Variants in TENM4 observed in about 807,000 individuals in gnomAD.
The protein encoded by TENM4 is teneurin transmembrane protein 4.
TENM4 carries 82 observed loss-of-function variants against 243.3 expected under a neutral mutation model. The ratio of observed to expected loss-of-function variants is 0.34; its 90% confidence interval spans 0.28 to 0.40. TENM4 has a LOEUF of 0.40. TENM4 is among the 10% of genes least tolerant of loss of function. The pLI is 1.00. For synonymous variants in TENM4, 1,412 were observed against 1,456.3 expected, an observed-to-expected ratio of 0.97 and a Z score of 0.69; for missense variants, 3,138 against 3,673.3, an observed-to-expected ratio of 0.85 and a Z score of 3.77.
intron 27 of TENM4, among the ~76,000 whole-genome samples, chr11:78,704,665 G>C (rs188464127): frequency 1.3e-5 from 2 of 152,280 alleles, no homozygotes; most frequent in Admixed American, 1.3e-4. Context: ...TATAGATAAA[G>C]AGGAGATTAA....
At position 79,393,155 on chromosome 11, in the gene TENM4, T is replaced by G. The variant is rs565431525; in HGVS notation, c.-321+47354A>C. On this transcript the variant is annotated intron_variant, in intron 1 of 33. Coordinates refer to ENST00000278550, the MANE Select transcript of TENM4 (RefSeq NM_001098816.3). ...ACTCTGAAATCCAGCTACAGTCAACTGAGTGCTTACTGTATGCCAGGTAGA... is the reference window on the plus strand; with the variant it reads ...ACTCTGAAATCCAGCTACAGTCAACGGAGTGCTTACTGTATGCCAGGTAGA... Among the ~76,000 whole-genome samples the G allele has an allele frequency of 2.0e-5, 3 of 152,274 alleles. No homozygotes were observed. In the South Asian group the frequency reaches 6.2e-4, roughly 32 times the overall value.
At chr11:79,271,851 C>T (rs886842491) in intron 2 of TENM4, among the ~76,000 whole-genome samples, 3 of 152,170 alleles carry the variant, frequency 2.0e-5, no homozygotes, top group East Asian at 1.9e-4. Context: ...CAAACTCTCC[C>T]ACTCCAGGAA....
At chr11:79,405,238 G>A (rs1858542767) in intron 1 of TENM4, among the ~76,000 whole-genome samples, 2 of 151,932 alleles carry the variant, frequency 1.3e-5, no homozygotes, top group Non-Finnish European at 2.9e-5. Flanking sequence ...TATGAGCTAG[G>A]CACCCTCATA....
intron 4 of TENM4, among the ~76,000 whole-genome samples, chr11:79,138,134 C>G (rs886275506): frequency 2.0e-5 from 3 of 150,816 alleles, no homozygotes; most frequent in African/African-American, 7.3e-5. Flanking sequence ...AAAAGAGAGA[C>G]TGGCCTAGTC....
rs1200891502 is a variant in TENM4, at chr11:78,701,628, C to T, written c.4985G>A (p.Ser1662Asn). The T allele has an allele frequency of 6.2e-7, 1 of 1,613,826 alleles. No homozygotes were observed. The highest frequency in any genetic ancestry group is 8.5e-7 in the Non-Finnish European group (1 of 1,179,746). The change falls in exon 28 of 34, where the codon AGT becomes AAT. Residue 1662 changes from serine to asparagine, a missense_variant. By Grantham distance (46) the Ser-to-Asn change is conservative. Around this residue, in one of 2 missense-constraint regions of TENM4, gnomAD observed 2,467 missense variants for 3,059.1 expected, o/e 0.81. Transcript: ENST00000278550. The part of the protein sequence containing the change: ...VTMGTNSALK[S>N]VTTQGHELAM... Reference sequence around the variant, plus strand: ...CAACTCGTGTCCTTGTGTGGTCACACTCTTGAGTGCACTGTTGGTGCCCAT... The same window carrying T: ...CAACTCGTGTCCTTGTGTGGTCACATTCTTGAGTGCACTGTTGGTGCCCAT...
At chr11:79,262,611 C>A (rs1295496426) in intron 2 of TENM4, among the ~76,000 whole-genome samples, 1 of 152,194 alleles carries the variant, frequency 6.6e-6, no homozygotes, top group South Asian at 2.1e-4. Context: ...AGAAATGAGA[C>A]CTCAAGATGT....
chr11:79,016,196 G>T (rs577002863), intron 6 of TENM4, among the ~76,000 whole-genome samples: 1 of 152,146 alleles, frequency 6.6e-6, no homozygotes, highest in African/African-American at 2.4e-5. Context: ...TTGTATAGGG[G>T]GCAAGAGTGG....
At chr11:78,853,612 AG>A (rs1206122013) in intron 12 of TENM4, among the ~76,000 whole-genome samples, 1 of 152,218 alleles carries the variant, frequency 6.6e-6, no homozygotes, top group African/African-American at 2.4e-5. Flanking sequence ...TGGTTCATCC[AG>A]CCTTTTGCAC....
At position 79,197,218 on chromosome 11, in the gene TENM4, C is replaced by T. The variant is rs529181384; in HGVS notation, c.-163+18590G>A. ...TGCTGGAAGGGACTGGGGATTGTTT[C>T]TTCAAGTGGTATCATGCCCATTTGA... On this transcript the variant is annotated intron_variant, in intron 3 of 33. Coordinates refer to ENST00000278550, the MANE Select transcript of TENM4 (RefSeq NM_001098816.3). Among the ~76,000 whole-genome samples, 12 of 145,094 alleles carry T rather than the reference C, an allele frequency of 8.3e-5. No individual in the cohort carries two copies. The South Asian group carries it at 2.5e-3, about 31-fold the overall frequency.
intron 9 of TENM4, among the ~76,000 whole-genome samples, chr11:78,869,531 C>T (rs1346901477): frequency 6.6e-6 from 1 of 152,088 alleles, no homozygotes; most frequent in Non-Finnish European, 1.5e-5. Context: ...GGGGAGGGGT[C>T]CTGACTTTGA....
chr11:78,730,736 C>T lies in TENM4; in HGVS notation c.3139-1093G>A, dbSNP rs563546178. Among the ~76,000 whole-genome samples, 40 of 152,298 alleles carry T rather than the reference C, an allele frequency of 2.6e-4. No homozygotes were observed. In the South Asian group the frequency reaches 7.9e-3, roughly 30 times the overall value. On this transcript the variant is annotated intron_variant, in intron 21 of 33. Transcript: ENST00000278550. ...TATTCAAGGGACAATGGCTATTCTA[C>T]CCTACGTTTACAGTGGATCTGGGCC...
intron 6 of TENM4, among the ~76,000 whole-genome samples, chr11:79,011,975 C>T (rs1219199506): frequency 6.6e-6 from 1 of 152,168 alleles, no homozygotes; most frequent in Non-Finnish European, 1.5e-5. Flanking sequence ...CTATTTCCCA[C>T]CTCCACGCAT....
At chr11:79,121,272 C>A (rs1414682900) in intron 4 of TENM4, among the ~76,000 whole-genome samples, 1 of 152,098 alleles carries the variant, frequency 6.6e-6, no homozygotes, top group African/African-American at 2.4e-5. Context: ...CCAGACTTCA[C>A]CCCAAAGTGG....
At chr11:78,911,985 G>C (rs894020218) in intron 6 of TENM4, among the ~76,000 whole-genome samples, 11 of 152,280 alleles carry the variant, frequency 7.2e-5, no homozygotes, top group African/African-American at 2.6e-4. Flanking sequence ...AAAGCTTCTA[G>C]GAAGAGCAAG....
chr11:79,032,031 C>T (rs900005061), intron 6 of TENM4, among the ~76,000 whole-genome samples: 2 of 152,172 alleles, frequency 1.3e-5, no homozygotes, highest in African/African-American at 4.8e-5. Context: ...TACCACTGCT[C>T]CCTTGATCCT....
intron 4 of TENM4, among the ~76,000 whole-genome samples, chr11:79,090,895 G>A (rs1469795008): frequency 6.6e-6 from 1 of 152,166 alleles, no homozygotes; most frequent in Non-Finnish European, 1.5e-5. Flanking sequence ...GAGAAACTGA[G>A]CCAGAAACAG....
chr11:79,201,661 A>G (rs4350384), intron 3 of TENM4, among the ~76,000 whole-genome samples: 59,241 of 151,906 alleles, frequency 0.39, 12,194 homozygotes, highest in African/African-American at 0.51. Flanking sequence ...ATGGGGAAGA[A>G]GATAAATGAA....
chr11:78,842,706 G>A (rs78107594), intron 12 of TENM4, among the ~76,000 whole-genome samples: 1 of 152,230 alleles, frequency 6.6e-6, no homozygotes, highest in Non-Finnish European at 1.5e-5. Context: ...GAGAGGACAT[G>A]GTGAGAAATG....
At chr11:79,136,501 C>T (rs1344798776) in intron 4 of TENM4, among the ~76,000 whole-genome samples, 1 of 152,138 alleles carries the variant, frequency 6.6e-6, no homozygotes, top group African/African-American at 2.4e-5. Context: ...CTGCTGAGTG[C>T]CCAATTTCCC....
Sources: gnomAD v4.1 joint callset for allele counts (sites outside exome capture counted in the v4.1 genomes callset) on GRCh38, gnomAD v4.1.1 for gene constraint, gnomAD v4.1.1 regional missense constraint, MANE v1.5 for transcripts, NCBI Gene and HGNC (gene_info 2026-07-23, HGNC 2026-07-21) for gene names.